Variants in FAM117B observed in about 807,000 individuals in gnomAD.
FAM117B encodes the protein family with sequence similarity 117 member B.
A neutral mutation model predicts 52.8 loss-of-function variants in FAM117B; 22 were observed. That is an observed-to-expected ratio of 0.42 (90% CI 0.30 to 0.59). The LOEUF (loss-of-function observed/expected upper bound fraction) is 0.59. Ranked by LOEUF, FAM117B falls within the 20% of genes least tolerant of loss-of-function variation. FAM117B has a pLI of 0.22. For missense variants in FAM117B, 678 were observed against 802.6 expected (o/e 0.84, Z 1.88); for synonymous variants, 309 against 324.1 (o/e 0.95, Z 0.50).
chr2:202,731,358 T>TAA (rs1691345132), intron 4 of FAM117B, among the ~76,000 whole-genome samples: 1 of 133,070 alleles, frequency 7.5e-6, no homozygotes, highest in Admixed American at 7.8e-5. Context: ...TATATATATA[T>TAA]ATATATATAT....
rs562767238 is a variant in FAM117B at position 202,671,158 on chromosome 2, G to A, written c.602-24723G>A. 4.7e-4 allele frequency among the ~76,000 whole-genome samples: 71 copies of A among 152,284 alleles called. No individual in the cohort carries two copies. In the South Asian group the frequency reaches 0.013, roughly 27 times the overall value. On this transcript the variant is annotated intron_variant, in intron 1 of 7. Transcript: ENST00000392238. ...TGTAGTTTTGTCGATCATAAACACC[G>A]TTTTGAGATTAATGCTACATGGTGT...
chr2:202,692,350 A>G (rs761200963), intron 1 of FAM117B, among the ~76,000 whole-genome samples: 2 of 152,200 alleles, frequency 1.3e-5, no homozygotes, highest in Non-Finnish European at 2.9e-5. Flanking sequence ...ACAGAAACCA[A>G]GACATAAAGA....
intron 4 of FAM117B, among the ~76,000 whole-genome samples, chr2:202,740,160 G>C (rs1265540269): frequency 1.1e-5 from 1 of 94,974 alleles, no homozygotes; most frequent in African/African-American, 4.5e-5. Flanking sequence ...AGGACAGAGC[G>C]AGACTTCATC....
intron 4 of FAM117B, among the ~76,000 whole-genome samples, chr2:202,733,169 G>A (rs1008180556): frequency 6.6e-6 from 1 of 152,140 alleles, no homozygotes; most frequent in Non-Finnish European, 1.5e-5. Flanking sequence ...ACTTTAAAAG[G>A]GGAGGGGGTG....
rs1692006725 is a variant in FAM117B, at chr2:202,767,858, C to T, written c.*2094C>T. The T allele has an allele frequency of 6.6e-6, 1 of 152,182 alleles. No homozygotes were observed. The highest frequency in any genetic ancestry group is 2.4e-5 in the African/African-American group (1 of 41,454). 9.4% of individuals were successfully genotyped at this position (152,182 alleles called of 1,614,324 possible). On this transcript the variant is annotated 3_prime_UTR_variant, in exon 8 of 8. Transcript: ENST00000392238. Reference sequence around the variant, plus strand: ...GGATTGATGAACTTTGGTACTTTCTCAATCCAAAACTAATTTATTTGGAAC... The same window carrying T: ...GGATTGATGAACTTTGGTACTTTCTTAATCCAAAACTAATTTATTTGGAAC...
intron 4 of FAM117B, among the ~76,000 whole-genome samples, chr2:202,733,540 G>T (rs994270273): frequency 6.6e-6 from 1 of 151,976 alleles, no homozygotes; most frequent in Non-Finnish European, 1.5e-5. Context: ...CCTTCCCCAG[G>T]GTATTAATTA....
intron 6 of FAM117B, among the ~76,000 whole-genome samples, chr2:202,758,790 T>C (rs953599106): frequency 1.3e-5 from 2 of 151,976 alleles, no homozygotes; most frequent in African/African-American, 4.8e-5. Flanking sequence ...GCAAAAAAAA[T>C]GTTTGGCATC....
chr2:202,731,478 T>C (rs1691349218), intron 4 of FAM117B, among the ~76,000 whole-genome samples: 1 of 151,298 alleles, frequency 6.6e-6, no homozygotes, highest in Non-Finnish European at 1.5e-5. Context: ...TCGCCTGGAC[T>C]GGAGTGCAGT....
rs1319764451 is a variant in FAM117B at position 202,755,448 on chromosome 2, T to C, written c.961-90T>C. ...GAGGCCTGTAAACTTTGATTTATTTTTGAGTTACTTATGTCTGTTGGAATT... is the reference window on the plus strand; with the variant it reads ...GAGGCCTGTAAACTTTGATTTATTTCTGAGTTACTTATGTCTGTTGGAATT... On this transcript the variant is annotated intron_variant, in intron 4 of 7. Coordinates refer to ENST00000392238, the MANE Select transcript of FAM117B (RefSeq NM_173511.4). 4.1e-6 allele frequency: 6 copies of C among 1,477,660 alleles called. No individual in the cohort carries two copies. The East Asian group carries it at 9.1e-5, about 22-fold the overall frequency. 91.5% of individuals were successfully genotyped at this position (1,477,660 alleles called of 1,614,324 possible). A position where few individuals can be genotyped will look rare whatever the true frequency, so the allele number is the denominator to read the frequency against.
chr2:202,700,683 G>T (rs1039249958), intron 2 of FAM117B, among the ~76,000 whole-genome samples: 5 of 144,984 alleles, frequency 3.4e-5, no homozygotes, highest in South Asian at 2.1e-4. Flanking sequence ...CACTAAACAA[G>T]AATTTTTTTT....
intron 4 of FAM117B, among the ~76,000 whole-genome samples, chr2:202,743,758 A>C (rs561220799): frequency 1.3e-5 from 2 of 152,322 alleles, no homozygotes; most frequent in South Asian, 4.1e-4. Context: ...TTCAGTTGAG[A>C]GCTTTAGCAA....
chr2:202,740,631 A>G (rs1691518687), intron 4 of FAM117B, among the ~76,000 whole-genome samples: 1 of 152,148 alleles, frequency 6.6e-6, no homozygotes, highest in South Asian at 2.1e-4. Flanking sequence ...ATCTAAAATA[A>G]TTGGTTTTGG....
intron 7 of FAM117B, among the ~76,000 whole-genome samples, chr2:202,764,058 C>T (rs961996238): frequency 3.9e-5 from 6 of 152,144 alleles, no homozygotes; most frequent in African/African-American, 1.4e-4. Flanking sequence ...TGTGGTAAAG[C>T]TTGTGGATCC....
chr2:202,675,445 C>A (rs1314525386), intron 1 of FAM117B, among the ~76,000 whole-genome samples: 157 of 67,712 alleles, frequency 2.3e-3, no homozygotes, highest in South Asian at 4.6e-3. Context: ...GACCTTATCT[C>A]AAAAAAAAAA....
chr2:202,673,754 A>C (rs886755030), intron 1 of FAM117B, among the ~76,000 whole-genome samples: 2 of 151,578 alleles, frequency 1.3e-5, no homozygotes, highest in Non-Finnish European at 2.9e-5. Context: ...GGCCTACCCT[A>C]TTTCTTATGG....
intron 3 of FAM117B, among the ~76,000 whole-genome samples, chr2:202,725,847 CTT>C (rs933121643): frequency 3.3e-5 from 5 of 152,142 alleles, no homozygotes; most frequent in African/African-American, 4.8e-5. Flanking sequence ...TATTTCATGA[CTT>C]GAGTTGATTT....
At chr2:202,681,533 T>C (rs1690462828) in intron 1 of FAM117B, among the ~76,000 whole-genome samples, 1 of 152,160 alleles carries the variant, frequency 6.6e-6, no homozygotes, top group African/African-American at 2.4e-5. Context: ...TAAGGCATAT[T>C]ACCAAGAAAA....
In FAM117B at chr2:202,726,297, G is replaced by A. The variant is rs1691244468; in HGVS notation, c.894G>A (p.Arg298=). Residue 298 remains arginine, a synonymous_variant, in exon 4 of 8, where the codon CGG becomes CGA. Transcript: ENST00000392238. ...TGCAGAGAAGTAAACACAGCAGTCG[G>A]CATCATCGAGATAAAGAAAGACAGT... ...QQLQRSKHSS[R]HHRDKERQSP... is the part of the protein sequence containing the mutation. 4 of 1,613,516 alleles carry A rather than the reference G, an allele frequency of 2.5e-6. No individual in the cohort carries two copies. Among genetic ancestry groups the A allele is most frequent in the Non-Finnish European group, 3.4e-6 (4 of 1,179,860 alleles).
At chr2:202,710,259 T>C (rs2105781865) in intron 2 of FAM117B, among the ~76,000 whole-genome samples, 1 of 152,314 alleles carries the variant, frequency 6.6e-6, no homozygotes, top group Admixed American at 6.5e-5. Context: ...TCCATGAACA[T>C]GAAATGCCTG....
Sources: allele counts gnomAD v4.1 joint callset (sites outside exome capture counted in the v4.1 genomes callset), GRCh38; gene constraint gnomAD v4.1.1; transcripts MANE v1.5; gene names NCBI Gene and HGNC (gene_info 2026-07-23, HGNC 2026-07-21).